Variants in SHE observed in about 807,000 individuals in gnomAD.
SHE encodes SH2 domain-containing adapter protein E.
SHE carries 11 observed loss-of-function variants against 49.8 expected under a neutral mutation model. The ratio of observed to expected loss-of-function variants is 0.22; its 90% CI spans 0.14 to 0.37. The LOEUF is 0.37. Ranked by LOEUF, SHE falls within the 10% of genes least tolerant of loss-of-function variation. The pLI is 1.00. For missense variants in SHE, 624 were observed against 655.5 expected (o/e 0.95, Z 0.52); for synonymous variants, 310 against 278.1 (o/e 1.11, Z -1.14).
In SHE at chr1:154,479,640, C is replaced by A; in HGVS notation, c.*4509G>T. 3 of 967,248 alleles carry A rather than the reference C, an allele frequency of 3.1e-6. No homozygotes were observed. The highest frequency in any genetic ancestry group is 3.7e-6 in the Non-Finnish European group (3 of 813,410). The allele number at this position is 967,248 out of a possible 1,614,324, so 59.9% of individuals were successfully genotyped here. ...TATAGATAGACACCTATATTACATA[C>A]AATCTTCAAACATTTTTAAAAGTTG... On this transcript the variant is annotated 3_prime_UTR_variant, in exon 6 of 6. Transcript: ENST00000304760.
At position 154,483,997 on chromosome 1, in the gene SHE, CAAACA is replaced by C; in HGVS notation, c.*147_*151del. 7.0e-7 allele frequency: 1 copy of C among 1,427,864 alleles called. No individual in the cohort carries two copies. The highest frequency in any genetic ancestry group is 9.2e-7 in the Non-Finnish European group (1 of 1,090,948). 88.4% of individuals were successfully genotyped at this position (1,427,864 alleles called of 1,614,324 possible). A position where few individuals can be genotyped will look rare whatever the true frequency, so the allele number is the denominator to read the frequency against. ...TGGGCAACACAGCGAGACTTCGTCTCAAACAAAACAAAACAAATCACTCTCTGACT... is the reference window on the plus strand; with the variant it reads ...TGGGCAACACAGCGAGACTTCGTCTCAAACAAAACAAATCACTCTCTGACT... On this transcript the variant is annotated 3_prime_UTR_variant, in exon 6 of 6. Transcript: ENST00000304760.
downstream of SHE, among the ~76,000 whole-genome samples, chr1:154,476,776 G>C (rs575969669): frequency 2.0e-5 from 3 of 151,764 alleles, no homozygotes; most frequent in Non-Finnish European, 4.4e-5. Context: ...TTGATAGCTT[G>C]ATCAACAAAT....
chr1:154,480,911 GTATTTT>G lies in SHE; in HGVS notation c.*3232_*3237del. 1 of 985,272 alleles carries G rather than the reference GTATTTT, an allele frequency of 1.0e-6. No homozygotes were observed. Among genetic ancestry groups the G allele is most frequent in the Non-Finnish European group, 1.2e-6 (1 of 829,844 alleles). The allele number at this position is 985,272 out of a possible 1,614,324, so 61.0% of individuals were successfully genotyped here. On this transcript the variant is annotated 3_prime_UTR_variant, in exon 6 of 6. Coordinates refer to ENST00000304760, the MANE Select transcript of SHE (RefSeq NM_001010846.3). The stretch of plus-strand genomic sequence containing the variant: ...GAACTTGTCCAGTCATCGCAAGCAA[GTATTTT>G]TTTTAAAGAAGGTGTGATCAAGAAG...
chr1:154,480,433 A>G lies in SHE; in HGVS notation c.*3716T>C. ...CTCACAGTTATTCTTCTGAATATCA[A>G]GATGCATCCAGTAACAACAGCCAAT... On this transcript the variant is annotated 3_prime_UTR_variant, in exon 6 of 6. Transcript: ENST00000304760. 1 of 985,458 alleles carries G rather than the reference A, an allele frequency of 1.0e-6. No homozygotes were observed. The highest frequency in any genetic ancestry group is 1.2e-6 in the Non-Finnish European group (1 of 829,932). 61.0% of individuals were successfully genotyped at this position (985,458 alleles called of 1,614,324 possible). A position where few individuals can be genotyped will look rare whatever the true frequency, so the allele number is the denominator to read the frequency against.
chr1:154,480,191 A>T lies in SHE; in HGVS notation c.*3958T>A. 1 of 985,506 alleles carries T rather than the reference A, an allele frequency of 1.0e-6. No homozygotes were observed. Among genetic ancestry groups the T allele is most frequent in the Non-Finnish European group, 1.2e-6 (1 of 829,950 alleles). 61.0% of individuals were successfully genotyped at this position (985,506 alleles called of 1,614,324 possible). A position where few individuals can be genotyped will look rare whatever the true frequency, so the allele number is the denominator to read the frequency against. On this transcript the variant is annotated 3_prime_UTR_variant, in exon 6 of 6. Transcript: ENST00000304760. ...TCATAAGGCCAAACTAGTGCTAGTT[A>T]TGGAAAAATAGGAGACAACTAGTGA...
At position 154,501,452 on chromosome 1, in the gene SHE, A is replaced by C; in HGVS notation, c.575T>G (p.Ile192Ser). 1 of 1,614,188 alleles carries C rather than the reference A, an allele frequency of 6.2e-7. No individual in the cohort carries two copies. Among genetic ancestry groups the C allele is most frequent in the East Asian group, 2.2e-5 (1 of 44,886 alleles). The change falls in exon 1 of 6, where the codon ATT becomes AGT. Residue 192 changes from isoleucine to serine, a missense_variant. Coordinates refer to ENST00000304760, the MANE Select transcript of SHE (RefSeq NM_001010846.3). ...TATTCTTACCGTCTCTTGCTGCTTAATAATCTTGCCCTTGTCCAGCTCGGG... is the reference window on the plus strand; with the variant it reads ...TATTCTTACCGTCTCTTGCTGCTTACTAATCTTGCCCTTGTCCAGCTCGGG... ...LGPELDKGKI[I>S]KQQETVIILE...
intron 3 of SHE, 23 bp from the exon 4 acceptor site, chr1:154,486,706 C>T: frequency 3.1e-6 from 5 of 1,613,202 alleles, no homozygotes; most frequent in Non-Finnish European, 4.2e-6. Context: ...CTCCATTTAA[C>T]ATCACAGGCC....
chr1:154,474,579 C>T (rs1166550737), downstream of SHE, among the ~76,000 whole-genome samples: 2 of 152,118 alleles, frequency 1.3e-5, no homozygotes, highest in Admixed American at 1.3e-4. Context: ...GCCATCTTGG[C>T]TCACCACAAC....
Position 154,499,433 on chromosome 1 carries a change from T to G in SHE, c.592-195A>C, listed in dbSNP as rs561078943. On this transcript the variant is annotated intron_variant, in intron 1 of 5. Coordinates refer to ENST00000304760, the MANE Select transcript of SHE (RefSeq NM_001010846.3). ...GTTTTTTTTGGTTGTACAGTTGATT[T>G]GCAACAATTCATCTAACTCTTTCAC... 1.5e-3 allele frequency among the ~76,000 whole-genome samples: 235 copies of G among 152,316 alleles called. 1 individual carries two copies. Among genetic ancestry groups the G allele is most frequent in the African/African-American group, 4.9e-3 (204 of 41,566 alleles).
chr1:154,477,053 A>G (rs913812504), downstream of SHE, among the ~76,000 whole-genome samples: 1 of 152,156 alleles, frequency 6.6e-6, no homozygotes, highest in African/African-American at 2.4e-5. Flanking sequence ...AGCTTAAATG[A>G]CCTTCAGGAC....
At chr1:154,478,021 C>T (rs61690351), downstream of SHE, among the ~76,000 whole-genome samples, 4 of 152,080 alleles carry the variant, frequency 2.6e-5, no homozygotes, top group African/African-American at 9.7e-5. Context: ...CTCTGGGTAC[C>T]TCATGTAAGT....
intron 2 of SHE, among the ~76,000 whole-genome samples, chr1:154,497,893 G>C (rs1465253535): frequency 6.6e-6 from 1 of 151,938 alleles, no homozygotes; most frequent in Non-Finnish European, 1.5e-5. Flanking sequence ...ACGTTGGTCA[G>C]GCTGATCTCG....
chr1:154,489,371 C>A lies in SHE; in HGVS notation c.719-15G>T. ...TCGTCTAATTTCTGAAAAACACACA[C>A]CATTTCTGAAAAACACACACCATAC... On this transcript the variant is annotated splice_polypyrimidine_tract_variant and intron_variant, in intron 2 of 5. Coordinates refer to ENST00000304760, the MANE Select transcript of SHE (RefSeq NM_001010846.3). The A allele has an allele frequency of 1.2e-6, 2 of 1,607,106 alleles. No homozygotes were observed. Among genetic ancestry groups the A allele is most frequent in the Non-Finnish European group, 1.7e-6 (2 of 1,176,666 alleles).
At chr1:154,501,263 T>TA (rs1481373136) in intron 1 of SHE, among the ~76,000 whole-genome samples, 173 bp downstream of exon 1, 1 of 152,156 alleles carries the variant, frequency 6.6e-6, no homozygotes, top group Non-Finnish European at 1.5e-5. Flanking sequence ...TTTCAAGAAT[T>TA]AAAAAACAGT....
chr1:154,493,101 C>T (rs73018293), intron 2 of SHE, among the ~76,000 whole-genome samples: 28,956 of 152,208 alleles, frequency 0.19, 3,026 homozygotes, highest in South Asian at 0.23. Flanking sequence ...TCTATTTAGA[C>T]AGTCTCCCCA....
downstream of SHE, among the ~76,000 whole-genome samples, chr1:154,477,416 G>T (rs1691903698): frequency 6.6e-6 from 1 of 151,908 alleles, no homozygotes; most frequent in African/African-American, 2.4e-5. Context: ...ACGTTGCCCG[G>T]GCTGGTCTCG....
At chr1:154,493,234 A>C (rs1692421094) in intron 2 of SHE, among the ~76,000 whole-genome samples, 1 of 152,206 alleles carries the variant, frequency 6.6e-6, no homozygotes, top group Admixed American at 6.5e-5. Context: ...TTAGGGGAAG[A>C]AAGGGCTTGA....
At position 154,483,109 on chromosome 1, in the gene SHE, A is replaced by G. The variant is rs1156686366; in HGVS notation, c.*1040T>C. 2 of 984,804 alleles carry G rather than the reference A, an allele frequency of 2.0e-6. No homozygotes were observed. The highest frequency in any genetic ancestry group is 1.2e-6 in the Non-Finnish European group (1 of 829,460). The allele number at this position is 984,804 out of a possible 1,614,324, so 61.0% of individuals were successfully genotyped here. On this transcript the variant is annotated 3_prime_UTR_variant, in exon 6 of 6. Transcript: ENST00000304760. ...AAATTTTTGTTGTACCTTTTATTCTATAATTCAGAATTCTAATAATGATGC... is the reference window on the plus strand; with the variant it reads ...AAATTTTTGTTGTACCTTTTATTCTGTAATTCAGAATTCTAATAATGATGC...
rs1036958864 is a variant in SHE at position 154,482,786 on chromosome 1, A to T, written c.*1363T>A. On this transcript the variant is annotated 3_prime_UTR_variant, in exon 6 of 6. Transcript: ENST00000304760. ...CTTAAGTAATGGTATTTAAGAGAAA[A>T]CCTCTAGGTCTTTTCAAACACTTCT... 1.0e-6 allele frequency: 1 copy of T among 985,366 alleles called. No homozygotes were observed. Among genetic ancestry groups the T allele is most frequent in the Admixed American group, 6.1e-5 (1 of 16,280 alleles). The allele number at this position is 985,366 out of a possible 1,614,324, so 61.0% of individuals were successfully genotyped here.
Sources: gnomAD v4.1 joint callset for allele counts (sites outside exome capture counted in the v4.1 genomes callset) on GRCh38, gnomAD v4.1.1 for gene constraint, MANE v1.5 for transcripts, NCBI Gene and HGNC (gene_info 2026-07-23, HGNC 2026-07-21) for gene names.